SEMA6D: variants seen among roughly 807,000 people sequenced by gnomAD.
SEMA6D encodes semaphorin-6D.
Under a neutral mutation model 106.6 loss-of-function variants are expected in SEMA6D, and 35 were observed. That is an observed-to-expected ratio of 0.33 (90% CI 0.25 to 0.44). The LOEUF (loss-of-function observed/expected upper bound fraction) is 0.44. Ranked by LOEUF, SEMA6D falls within the 20% of genes least tolerant of loss-of-function variation. The pLI is 1.00. For synonymous variants in SEMA6D, 499 were observed against 487.7 expected, an observed-to-expected ratio of 1.02 and a Z score of -0.31; for missense variants, 1,185 against 1,345.9, an observed-to-expected ratio of 0.88 and a Z score of 1.87.
At chr15:47,578,554 C>T (rs1034926137) in intron 3 of SEMA6D, among the ~76,000 whole-genome samples, 2 of 152,202 alleles carry the variant, frequency 1.3e-5, no homozygotes, top group Non-Finnish European at 2.9e-5. Context: ...AATAACACTT[C>T]CATGTCTTTA....
chr15:47,312,159 T>TTCC (rs1555420712), intron 1 of SEMA6D, among the ~76,000 whole-genome samples: 2 of 150,606 alleles, frequency 1.3e-5, no homozygotes, highest in African/African-American at 4.9e-5. Context: ...TTTTTTTTTT[T>TTCC]CCCCATTACC....
intron 1 of SEMA6D, among the ~76,000 whole-genome samples, chr15:47,408,438 A>G (rs2040669006): frequency 6.6e-6 from 1 of 152,230 alleles, no homozygotes; most frequent in African/African-American, 2.4e-5. Flanking sequence ...TTTATTAACA[A>G]TGACTCTGAC....
At chr15:47,705,420 T>G (rs1361689663) in intron 4 of SEMA6D, among the ~76,000 whole-genome samples, 1 of 152,192 alleles carries the variant, frequency 6.6e-6, no homozygotes, top group African/African-American at 2.4e-5. Context: ...ATCTCAACAT[T>G]ACTGAAGAGG....
intron 2 of SEMA6D, among the ~76,000 whole-genome samples, chr15:47,460,039 T>TA (rs1016650479): frequency 9.3e-5 from 14 of 150,946 alleles, no homozygotes; most frequent in East Asian, 7.8e-4. Context: ...CATACAAACT[T>TA]AAAAAAAAAT....
At chr15:47,321,528 G>A (rs551883291) in intron 1 of SEMA6D, among the ~76,000 whole-genome samples, 2,115 of 114,746 alleles carry the variant, frequency 0.018, 21 homozygotes, top group Non-Finnish European at 0.032. Context: ...TGTAAGTTAC[G>A]TTTTTTGTCA....
Position 47,370,683 on chromosome 15 carries a change from T to TAAA in SEMA6D, c.-238-41685_-238-41683dup, listed in dbSNP as rs376454672. ...AACATGGTAAAGCGCCGTCTCTACTTAAAAAAAAAAAAAAAAAAAAAAAAA... is the reference window on the plus strand; with the variant it reads ...AACATGGTAAAGCGCCGTCTCTACTTAAAAAAAAAAAAAAAAAAAAAAAAAAAA... On this transcript the variant is annotated intron_variant, in intron 1 of 19. Coordinates refer to the SEMA6D transcript ENST00000558014. Among the ~76,000 whole-genome samples, 219 of 95,162 alleles carry TAAA rather than the reference T, an allele frequency of 2.3e-3. 3 individuals carry two copies. The highest frequency in any genetic ancestry group is 9.2e-3 in the African/African-American group (205 of 22,224). 62.4% of individuals were successfully genotyped at this position (95,162 alleles called of 152,430 possible).
intron 4 of SEMA6D, among the ~76,000 whole-genome samples, chr15:47,675,431 G>T (rs1378059056): frequency 6.6e-6 from 1 of 152,166 alleles, no homozygotes; most frequent in Non-Finnish European, 1.5e-5. Flanking sequence ...CCGAGGAAAG[G>T]CCCTGTGAGG....
intron 1 of SEMA6D, among the ~76,000 whole-genome samples, chr15:47,733,168 G>C (rs1384256058): frequency 6.6e-6 from 1 of 152,074 alleles, no homozygotes; most frequent in Admixed American, 6.5e-5. Context: ...TATCTACTGA[G>C]GACAGGTACC....
At chr15:47,505,198 G>T (rs1341197888) in intron 3 of SEMA6D, among the ~76,000 whole-genome samples, 2 of 152,164 alleles carry the variant, frequency 1.3e-5, no homozygotes, top group Non-Finnish European at 2.9e-5. Flanking sequence ...ACCTCTTCTA[G>T]TTGGTCCCAG....
At chr15:47,556,402 A>G (rs2045916539) in intron 3 of SEMA6D, among the ~76,000 whole-genome samples, 1 of 152,162 alleles carries the variant, frequency 6.6e-6, no homozygotes, top group Admixed American at 6.6e-5. Flanking sequence ...CATAAGGATT[A>G]TCATATGAAA....
At chr15:47,502,114 C>G (rs1334934770) in intron 3 of SEMA6D, among the ~76,000 whole-genome samples, 1 of 152,126 alleles carries the variant, frequency 6.6e-6, no homozygotes, top group Non-Finnish European at 1.5e-5. Context: ...TATCCAGAGA[C>G]AGATGAAATT....
At chr15:47,534,121 T>C (rs2045073216) in intron 3 of SEMA6D, among the ~76,000 whole-genome samples, 2 of 152,096 alleles carry the variant, frequency 1.3e-5, no homozygotes, top group African/African-American at 4.8e-5. Context: ...ACACTGAGAA[T>C]GTCCAAGTGT....
intron 4 of SEMA6D, among the ~76,000 whole-genome samples, chr15:47,649,764 A>T (rs1276413704): frequency 6.6e-6 from 1 of 152,240 alleles, no homozygotes; most frequent in African/African-American, 2.4e-5. Flanking sequence ...GTTCAATTTC[A>T]TAATAGAAGC....
intron 3 of SEMA6D, among the ~76,000 whole-genome samples, chr15:47,594,544 A>G (rs1045964772): frequency 6.6e-6 from 1 of 152,208 alleles, no homozygotes; most frequent in African/African-American, 2.4e-5. Flanking sequence ...ATTATTGGGT[A>G]CCCATCACAT....
At chr15:47,593,297 C>G (rs901231519) in intron 3 of SEMA6D, among the ~76,000 whole-genome samples, 1 of 149,380 alleles carries the variant, frequency 6.7e-6, no homozygotes, top group Non-Finnish European at 1.5e-5. Context: ...CCCAGCTGTT[C>G]AGGAGGCTGA....
chr15:47,630,395 A>G (rs2077272448), intron 4 of SEMA6D, among the ~76,000 whole-genome samples: 1 of 151,742 alleles, frequency 6.6e-6, no homozygotes, highest in South Asian at 2.1e-4. Flanking sequence ...CTGTGTTTTT[A>G]TTTTTAGTAT....
At chr15:47,357,970 G>C (rs112077782) in intron 1 of SEMA6D, among the ~76,000 whole-genome samples, 4 of 152,150 alleles carry the variant, frequency 2.6e-5, no homozygotes, top group African/African-American at 7.2e-5. Context: ...ACATAACAAT[G>C]TTTATTAATA....
chr15:47,552,897 T>TATAA, intron 3 of SEMA6D, among the ~76,000 whole-genome samples: 1 of 86,298 alleles, frequency 1.2e-5, no homozygotes, highest in African/African-American at 4.2e-5. Flanking sequence ...TATAAATATA[T>TATAA]ATATATATAA....
intron 4 of SEMA6D, among the ~76,000 whole-genome samples, chr15:47,666,241 T>C (rs898623816): frequency 2.0e-5 from 3 of 152,104 alleles, no homozygotes; most frequent in African/African-American, 7.2e-5. Context: ...TAAGAGGCGG[T>C]GAAAAGAAAC....
Sources: gnomAD v4.1 joint callset for allele counts (sites outside exome capture counted in the v4.1 genomes callset) on GRCh38, gnomAD v4.1.1 for gene constraint, MANE v1.5 for transcripts, NCBI Gene and HGNC (gene_info 2026-07-23, HGNC 2026-07-21) for gene names.